ENOX1: variants seen among roughly 807,000 people sequenced by gnomAD.
The protein encoded by ENOX1 is candidate growth-related and time keeping constitutive hydroquinone (NADH) oxidase.
In ENOX1, 42 loss-of-function variants were observed where a neutral mutation model predicts 82.5. That is an observed-to-expected ratio of 0.51 (90% CI 0.40 to 0.66). The LOEUF (loss-of-function observed/expected upper bound fraction) is 0.66, where lower values mean the gene tolerates loss of function less well. ENOX1 is among the 30% of genes least tolerant of loss of function. ENOX1 has a pLI of 0.00. For synonymous variants in ENOX1, 271 were observed against 282.2 expected (o/e 0.96, Z 0.40); for missense variants, 608 against 811.6 (o/e 0.75, Z 3.05).
At chr13:43,636,148 A>C (rs2083406004) in intron 2 of ENOX1, among the ~76,000 whole-genome samples, 1 of 152,122 alleles carries the variant, frequency 6.6e-6, no homozygotes, top group Non-Finnish European at 1.5e-5. Flanking sequence ...TAACTAAGAG[A>C]CAACAAGTGG....
intron 1 of ENOX1, among the ~76,000 whole-genome samples, chr13:43,743,299 G>A (rs1949850923): frequency 6.6e-6 from 1 of 152,132 alleles, no homozygotes; most frequent in South Asian, 2.1e-4. Context: ...AATTAACTGT[G>A]AGAACTACAA....
chr13:43,766,152 C>T (rs1279346919), intron 1 of ENOX1, among the ~76,000 whole-genome samples: 1 of 152,256 alleles, frequency 6.6e-6, no homozygotes, highest in South Asian at 2.1e-4. Flanking sequence ...ATTCCACTCC[C>T]GTGTTGCCAC....
At chr13:43,621,719 G>A (rs890230813) in intron 2 of ENOX1, among the ~76,000 whole-genome samples, 3 of 152,168 alleles carry the variant, frequency 2.0e-5, no homozygotes, top group African/African-American at 7.2e-5. Context: ...ATAACCTGAT[G>A]ACAATGTGCC....
chr13:43,612,058 A>G (rs1443730087), intron 2 of ENOX1, among the ~76,000 whole-genome samples: 2 of 152,212 alleles, frequency 1.3e-5, no homozygotes, highest in Non-Finnish European at 2.9e-5. Flanking sequence ...TGTTAATAGC[A>G]TATTATTAAA....
intron 5 of ENOX1, among the ~76,000 whole-genome samples, chr13:43,396,473 G>A (rs544320685): frequency 1.3e-5 from 2 of 152,256 alleles, no homozygotes; most frequent in African/African-American, 4.8e-5. Flanking sequence ...TCCGCCTTCC[G>A]GGTTCAAGTG....
At chr13:43,299,849 T>C (rs148406986) in intron 11 of ENOX1, among the ~76,000 whole-genome samples, 1 of 152,300 alleles carries the variant, frequency 6.6e-6, no homozygotes, top group East Asian at 1.9e-4. Flanking sequence ...AGGTCGTCAG[T>C]GCATGCGCGT....
In ENOX1 at chr13:43,593,553, G is replaced by C. The variant is rs187925043; in HGVS notation, c.-219+73926C>G. ...ATTAAGGAGAGGTTATGGAGTGTTC[G>C]TACTCAGCAGGAATTCGAAACCATG... is the stretch of plus-strand genomic sequence containing the variant. On this transcript the variant is annotated intron_variant, in intron 2 of 16. Coordinates refer to ENST00000690772, the MANE Select transcript of ENOX1 (RefSeq NM_001347969.2). 3.4e-3 allele frequency among the ~76,000 whole-genome samples: 522 copies of C among 151,846 alleles called. 11 individuals are homozygous for C. The highest frequency in any genetic ancestry group is 1.1e-3 in the Non-Finnish European group (77 of 67,944).
intron 5 of ENOX1, among the ~76,000 whole-genome samples, chr13:43,378,408 G>A (rs1317340248): frequency 6.6e-6 from 1 of 152,172 alleles, no homozygotes; most frequent in Non-Finnish European, 1.5e-5. Flanking sequence ...TATAAAGCAA[G>A]TCTTGAGTTG....
intron 2 of ENOX1, among the ~76,000 whole-genome samples, chr13:43,553,937 C>G (rs769386689): frequency 1.3e-5 from 2 of 152,022 alleles, no homozygotes; most frequent in Non-Finnish European, 2.9e-5. Flanking sequence ...TTAGTAGAGA[C>G]GGGATTTTGC....
rs983417836 is a variant in ENOX1 at position 43,213,229 on chromosome 13, A to G, written c.*761T>C. On this transcript the variant is annotated 3_prime_UTR_variant, in exon 17 of 17. Transcript: ENST00000690772. ...TGTTTATTTTGATGCATAAACCTGA[A>G]TGTTACATACCAAGTACAAGACAAT... Among the ~76,000 whole-genome samples the G allele has an allele frequency of 1.3e-4, 20 of 152,264 alleles. 1 individual carries two copies. In the East Asian group the frequency reaches 3.8e-3, roughly 29 times the overall value.
chr13:43,557,633 T>C (rs1384482414), intron 2 of ENOX1, among the ~76,000 whole-genome samples: 2 of 152,046 alleles, frequency 1.3e-5, no homozygotes, highest in African/African-American at 2.4e-5. Flanking sequence ...GTATAAGTAG[T>C]TGAGCTGAAA....
intron 14 of ENOX1, among the ~76,000 whole-genome samples, chr13:43,259,605 G>A (rs1293677780): frequency 2.6e-5 from 4 of 152,158 alleles, no homozygotes. Context: ...CTCCCGAGTA[G>A]CTGGGATTTA....
chr13:43,259,261 T>C (rs973136745), intron 14 of ENOX1, among the ~76,000 whole-genome samples: 2 of 152,208 alleles, frequency 1.3e-5, no homozygotes, highest in Non-Finnish European at 2.9e-5. Context: ...CTCTACACTC[T>C]GCTGCCTCCC....
chr13:43,395,474 G>A (rs532227736), intron 5 of ENOX1, among the ~76,000 whole-genome samples: 5 of 152,248 alleles, frequency 3.3e-5, no homozygotes, highest in Admixed American at 1.3e-4. Flanking sequence ...GCAGTGAGCC[G>A]AGATTGCACC....
chr13:43,234,951 G>A (rs1033738124), intron 15 of ENOX1, among the ~76,000 whole-genome samples: 1 of 152,026 alleles, frequency 6.6e-6, no homozygotes, highest in South Asian at 2.1e-4. Flanking sequence ...ATAGAGACTG[G>A]TTCCCATTTT....
intron 1 of ENOX1, among the ~76,000 whole-genome samples, chr13:43,707,311 C>T (rs920283381): frequency 4.6e-5 from 7 of 152,100 alleles, no homozygotes; most frequent in African/African-American, 1.7e-4. Flanking sequence ...CAACATTAAA[C>T]CGTGACCTGC....
chr13:43,695,538 C>T (rs952147915), intron 1 of ENOX1, among the ~76,000 whole-genome samples: 28 of 150,796 alleles, frequency 1.9e-4, no homozygotes, highest in African/African-American at 6.6e-4. Context: ...ACCTCCATCT[C>T]CCGAGTTGAA....
intron 5 of ENOX1, among the ~76,000 whole-genome samples, chr13:43,382,937 G>T (rs9525764): frequency 0.98 from 149,353 of 152,308 alleles, 73,301 homozygotes; most frequent in East Asian, 1. Flanking sequence ...CTCCCTGGCA[G>T]CAACTTAAAA....
intron 3 of ENOX1, among the ~76,000 whole-genome samples, chr13:43,449,681 T>G (rs192815763): frequency 3.5e-4 from 54 of 152,322 alleles, no homozygotes; most frequent in Admixed American, 7.8e-4. Context: ...ATTGTTTTTT[T>G]TTTGTTTGTT....
Sources: gnomAD v4.1 joint callset for allele counts (sites outside exome capture counted in the v4.1 genomes callset) on GRCh38, gnomAD v4.1.1 for gene constraint, MANE v1.5 for transcripts, NCBI Gene and HGNC (gene_info 2026-07-23, HGNC 2026-07-21) for gene names.